Variants in ATXN8OS observed in about 807,000 individuals in gnomAD.
ATXN8OS encodes the protein ATXN8 opposite strand lncRNA.
At chr13:70,161,063 C>T (rs1889003371) in intron 4 of ATXN8OS, among the ~76,000 whole-genome samples, 1 of 151,052 alleles carries the variant, frequency 6.6e-6, no homozygotes, top group African/African-American at 2.4e-5. Context: ...AATTTACTTG[C>T]TATGAACTTT....
chr13:70,167,814 C>A (rs953900446), intron 4 of ATXN8OS, among the ~76,000 whole-genome samples: 1 of 145,410 alleles, frequency 6.9e-6, no homozygotes, highest in Non-Finnish European at 1.5e-5. Flanking sequence ...CGGCTCACTG[C>A]AAGCTCCGCC....
At position 70,170,413 on chromosome 13, in the gene ATXN8OS, A is replaced by C. The variant is rs370427165; in HGVS notation, n.1234A>C. On this transcript the variant is annotated non_coding_transcript_exon_variant, in exon 5 of 5. Coordinates refer to ENST00000678624, the Ensembl canonical transcript of ATXN8OS. ...TTATATGCAATACATTTTCTAAGGC[A>C]GAATTAAGAATTTCGCCACTGGAGC... Among the ~76,000 whole-genome samples the C allele has an allele frequency of 5.3e-5, 8 of 152,296 alleles. 1 individual carries two copies. Among genetic ancestry groups the C allele is most frequent in the South Asian group, 2.1e-4 (1 of 4,828 alleles).
At chr13:70,124,288 C>T (rs1438708748) in intron 2 of ATXN8OS, among the ~76,000 whole-genome samples, 1 of 152,026 alleles carries the variant, frequency 6.6e-6, no homozygotes, top group Non-Finnish European at 1.5e-5. Context: ...TGCTTTATAG[C>T]ACTTACATCC....
chr13:70,141,454 A>G (rs796659833), intron 3 of ATXN8OS, among the ~76,000 whole-genome samples: 4 of 152,286 alleles, frequency 2.6e-5, no homozygotes, highest in African/African-American at 9.6e-5. Context: ...TCTTTCAAAT[A>G]TATTTTTGGA....
chr13:70,108,210 C>G (rs895402684), intron 1 of ATXN8OS: 15 of 394,658 alleles, frequency 3.8e-5, no homozygotes, highest in Admixed American at 8.8e-5. Context: ...GAAAGAGCCC[C>G]AAGTCTCGAG....
exon 5 of ATXN8OS, among the ~76,000 whole-genome samples, chr13:70,171,553 T>C (rs1889144443): frequency 6.6e-6 from 1 of 152,130 alleles, no homozygotes; most frequent in Non-Finnish European, 1.5e-5. Context: ...TGCTACAACA[T>C]TACCATGACT....
chr13:70,156,110 A>T (rs997121742), intron 4 of ATXN8OS, among the ~76,000 whole-genome samples: 1 of 151,056 alleles, frequency 6.6e-6, no homozygotes, highest in African/African-American at 2.5e-5. Context: ...ATTTGCTCAT[A>T]AACAGCCTGG....
intron 3 of ATXN8OS, among the ~76,000 whole-genome samples, chr13:70,138,534 A>G (rs991092190): frequency 6.6e-6 from 1 of 152,092 alleles, no homozygotes; most frequent in African/African-American, 2.4e-5. Flanking sequence ...TGAGTGTCTC[A>G]GTTCTAGGTG....
intron 3 of ATXN8OS, among the ~76,000 whole-genome samples, chr13:70,135,682 T>C (rs535072728): frequency 6.6e-6 from 1 of 152,262 alleles, no homozygotes; most frequent in African/African-American, 2.4e-5. Flanking sequence ...TGCACTACTA[T>C]GTACAAATTT....
chr13:70,111,447 A>C (rs1888197563), intron 1 of ATXN8OS, among the ~76,000 whole-genome samples: 1 of 152,202 alleles, frequency 6.6e-6, no homozygotes, highest in Non-Finnish European at 1.5e-5. Flanking sequence ...ATCATATGGC[A>C]ATGGGGTTAA....
At chr13:70,137,578 T>G (rs1027336185) in intron 3 of ATXN8OS, among the ~76,000 whole-genome samples, 13 of 152,154 alleles carry the variant, frequency 8.5e-5, no homozygotes, top group African/African-American at 2.9e-4. Context: ...TATTTTGATT[T>G]GAATTATTAT....
intron 2 of ATXN8OS, among the ~76,000 whole-genome samples, chr13:70,120,970 T>TAA (rs1888352888): frequency 6.6e-6 from 1 of 151,832 alleles, no homozygotes; most frequent in Non-Finnish European, 1.5e-5. Flanking sequence ...TACCTAATGT[T>TAA]AAATGACAAG....
intron 2 of ATXN8OS, among the ~76,000 whole-genome samples, chr13:70,122,282 T>C (rs1018493189): frequency 6.6e-6 from 1 of 152,006 alleles, no homozygotes; most frequent in Non-Finnish European, 1.5e-5. Flanking sequence ...TCAATTCTAT[T>C]GTCTTTTGTT....
At chr13:70,138,670 C>A (rs1253396206) in intron 3 of ATXN8OS, among the ~76,000 whole-genome samples, 1 of 151,808 alleles carries the variant, frequency 6.6e-6, no homozygotes, top group African/African-American at 2.4e-5. Context: ...GTATGCATTC[C>A]AAAATGAAAG....
chr13:70,120,970 T>C (rs1888352863), intron 2 of ATXN8OS, among the ~76,000 whole-genome samples: 1 of 151,832 alleles, frequency 6.6e-6, no homozygotes, highest in Non-Finnish European at 1.5e-5. Context: ...TACCTAATGT[T>C]AAATGACAAG....
At chr13:70,107,537 G>A (rs1375251777), upstream of ATXN8OS, 14 of 1,609,970 alleles carry the variant, frequency 8.7e-6, no homozygotes, top group East Asian at 2.9e-4. Context: ...TTGAGCAGGC[G>A]ACTCTGGCTG....
At chr13:70,139,474 A>G in intron 3 of ATXN8OS, 1 of 652,928 alleles carries the variant, frequency 1.5e-6, no homozygotes, top group South Asian at 2.0e-5. Flanking sequence ...TGATGTTATA[A>G]TTGTTATATA....
chr13:70,129,887 A>T (rs1378689832), intron 3 of ATXN8OS: 7 of 398,398 alleles, frequency 1.8e-5, no homozygotes, highest in African/African-American at 4.1e-5. Context: ...GGAACAAGGT[A>T]AAAACATCAA....
At chr13:70,110,977 CTATT>C (rs1414564093) in intron 1 of ATXN8OS, among the ~76,000 whole-genome samples, 1 of 152,172 alleles carries the variant, frequency 6.6e-6, no homozygotes, top group Non-Finnish European at 1.5e-5. Context: ...AAGACAGAAA[CTATT>C]TAATTATTCT....
Sources: allele counts gnomAD v4.1 joint callset (sites outside exome capture counted in the v4.1 genomes callset), GRCh38; gene constraint gnomAD v4.1.1; transcripts MANE v1.5; gene names NCBI Gene and HGNC (gene_info 2026-07-23, HGNC 2026-07-21).